Variants in DNAJC17 observed in about 807,000 individuals in gnomAD.
DNAJC17 encodes the protein dnaJ homolog subfamily C member 17.
Under a neutral mutation model 48.1 loss-of-function variants are expected in DNAJC17, and 35 were observed. That is an observed-to-expected ratio of 0.73 (90% CI 0.56 to 0.96). The LOEUF is 0.96. Among genes scored for constraint, DNAJC17 ranks in the 50% least tolerant of loss-of-function variants. The probability of loss-of-function intolerance (pLI) is 0.00; values close to 1 mark genes in which losing one functional copy is unlikely to be tolerated. For missense variants in DNAJC17, 355 were observed against 377.1 expected (o/e 0.94, Z 0.48); for synonymous variants, 117 against 142.7 (o/e 0.82, Z 1.28).
At chr15:40,779,863 C>T (rs1368466073) in intron 2 of DNAJC17, 65 bp downstream of exon 2, 12 of 1,543,138 alleles carry the variant, frequency 7.8e-6, no homozygotes, top group Non-Finnish European at 8.9e-6. Flanking sequence ...GCAGAGCTTA[C>T]ATCGGGAAAC....
chr15:40,806,132 C>G (rs559522604), intron 1 of DNAJC17, among the ~76,000 whole-genome samples: 1 of 152,124 alleles, frequency 6.6e-6, no homozygotes, highest in African/African-American at 2.4e-5. Flanking sequence ...TTTTCTGCCC[C>G]AGAGCTTCCT....
chr15:40,789,378 C>T (rs1889731889), intron 1 of DNAJC17, among the ~76,000 whole-genome samples: 1 of 151,130 alleles, frequency 6.6e-6, no homozygotes, highest in South Asian at 2.1e-4. Flanking sequence ...TCCTATCCTG[C>T]TCTCCTCGGT....
intron 1 of DNAJC17, among the ~76,000 whole-genome samples, chr15:40,806,218 T>C (rs1055712687): frequency 2.1e-5 from 3 of 142,226 alleles, no homozygotes; most frequent in African/African-American, 8.1e-5. Flanking sequence ...TATTTTTTTT[T>C]CCTTTTTTTT....
chr15:40,806,412 T>C (rs1170907669), intron 1 of DNAJC17, among the ~76,000 whole-genome samples: 1 of 151,872 alleles, frequency 6.6e-6, no homozygotes. Context: ...AGAGAAGGGG[T>C]TTCAGCATAT....
intron 2 of DNAJC17, 132 bp from the exon 3 acceptor site, chr15:40,779,735 A>AC: frequency 8.6e-7 from 1 of 1,159,440 alleles, no homozygotes; most frequent in Non-Finnish European, 1.2e-6. Flanking sequence ...CAGATGACAG[A>AC]CCAACAAGGA....
At chr15:40,775,784 G>C (rs1273250576) in intron 6 of DNAJC17, among the ~76,000 whole-genome samples, 188 bp from the exon 7 acceptor site, 1 of 152,130 alleles carries the variant, frequency 6.6e-6, no homozygotes, top group Non-Finnish European at 1.5e-5. Flanking sequence ...GCCACCCCAG[G>C]GGTGGTCTAC....
intron 6 of DNAJC17, 87 bp downstream of exon 6, chr15:40,776,109 A>T: frequency 7.7e-7 from 1 of 1,306,840 alleles, no homozygotes; most frequent in Non-Finnish European, 1.1e-6. Flanking sequence ...AAGCCTCCAC[A>T]GCAGCTCCAC....
chr15:40,797,491 G>A lies in DNAJC17; in HGVS notation c.78+9878C>T, dbSNP rs529314258. 9.7e-4 allele frequency among the ~76,000 whole-genome samples: 146 copies of A among 151,232 alleles called. 1 individual carries two copies. Among genetic ancestry groups the A allele is most frequent in the African/African-American group, 3.5e-3 (143 of 41,164 alleles). On this transcript the variant is annotated intron_variant, in intron 1 of 10. Coordinates refer to ENST00000220496, the MANE Select transcript of DNAJC17 (RefSeq NM_018163.3). ...TGCAATGGCACAATCTTGGCTCACTGCAACCTCCGCCTCTGGGTTCAAGCG... is the reference window on the plus strand; with the variant it reads ...TGCAATGGCACAATCTTGGCTCACTACAACCTCCGCCTCTGGGTTCAAGCG...
chr15:40,781,578 T>C (rs1889489865), intron 1 of DNAJC17, among the ~76,000 whole-genome samples: 1 of 152,074 alleles, frequency 6.6e-6, no homozygotes. Flanking sequence ...TTAAATAAAA[T>C]ATTATAGTAG....
At chr15:40,792,322 T>C in intron 1 of DNAJC17, 1 of 370,192 alleles carries the variant, frequency 2.7e-6, no homozygotes, top group Non-Finnish European at 3.7e-6. Context: ...TATGCTATAA[T>C]ATAACCTCCC....
intron 1 of DNAJC17, among the ~76,000 whole-genome samples, chr15:40,791,370 A>G (rs1889799022): frequency 6.6e-6 from 1 of 151,940 alleles, no homozygotes. Context: ...TCTACTAAAA[A>G]TACAAAAATT....
At chr15:40,775,162 C>G in intron 7 of DNAJC17, 54 bp from the exon 8 acceptor site, 1 of 1,582,260 alleles carries the variant, frequency 6.3e-7, no homozygotes, top group Non-Finnish European at 8.7e-7. Context: ...TACCTCACCC[C>G]ACGACTGAGC....
Position 40,770,212 on chromosome 15 carries a change from G to T in DNAJC17, c.793-2150C>A, listed in dbSNP as rs1889089238. The T allele has an allele frequency of 2.7e-6, 1 of 370,372 alleles. No homozygotes were observed. Among genetic ancestry groups the T allele is most frequent in the African/African-American group, 2.1e-5 (1 of 47,916 alleles). The allele number at this position is 370,372 out of a possible 1,614,324, so 22.9% of individuals were successfully genotyped here. On this transcript the variant is annotated intron_variant, in intron 10 of 10. Transcript: ENST00000220496. This position sits in a 1 kb window ranked among gnomAD's most constrained non-coding sequence, Gnocchi z 5.0. Reference sequence around the variant, plus strand: ...AGTAAGTGCTGCTTCTTCCTCCTGGGTTTTTTTCCACTACCCTATTCAGTA... The same window carrying T: ...AGTAAGTGCTGCTTCTTCCTCCTGGTTTTTTTTCCACTACCCTATTCAGTA...
At chr15:40,801,990 G>A (rs554275787) in intron 1 of DNAJC17, among the ~76,000 whole-genome samples, 1 of 151,808 alleles carries the variant, frequency 6.6e-6, no homozygotes, top group Non-Finnish European at 1.5e-5. Context: ...ACAGGTTTGG[G>A]GATTATTTGG....
intron 9 of DNAJC17, 66 bp from the exon 10 acceptor site, chr15:40,773,903 C>A: frequency 2.2e-6 from 3 of 1,389,698 alleles, no homozygotes; most frequent in Non-Finnish European, 3.0e-6. Flanking sequence ...TCTCTCTACC[C>A]CCACAGAGAG....
At chr15:40,785,094 A>G (rs929175497) in intron 1 of DNAJC17, among the ~76,000 whole-genome samples, 1 of 152,052 alleles carries the variant, frequency 6.6e-6, no homozygotes, top group African/African-American at 2.4e-5. Flanking sequence ...GTGAAAGTCC[A>G]TAACAACAAC....
intron 1 of DNAJC17, among the ~76,000 whole-genome samples, chr15:40,781,153 GA>G (rs11337976): frequency 0.51 from 45,599 of 88,996 alleles, 8,857 homozygotes; most frequent in Middle Eastern, 0.64. Context: ...CTCCATCTCA[GA>G]AAAAAAAAAA....
At position 40,765,911 on chromosome 15, in the gene DNAJC17, G is replaced by A; in HGVS notation, c.*2029C>T. The A allele has an allele frequency of 1.3e-6, 2 of 1,558,962 alleles. No homozygotes were observed. The highest frequency in any genetic ancestry group is 1.8e-6 in the Non-Finnish European group (2 of 1,140,230). Reference sequence around the variant, plus strand: ...GGGGGCTTCAAAGAGAAGAGCCTTGGGAAACAACTTGTAAGTAGCAGCCTC... The same window carrying A: ...GGGGGCTTCAAAGAGAAGAGCCTTGAGAAACAACTTGTAAGTAGCAGCCTC... On this transcript the variant is annotated 3_prime_UTR_variant, in exon 11 of 11. Transcript: ENST00000220496.
intron 1 of DNAJC17, among the ~76,000 whole-genome samples, chr15:40,794,919 G>T (rs546170369): frequency 1.7e-4 from 26 of 151,980 alleles, no homozygotes; most frequent in Admixed American, 7.2e-4. Flanking sequence ...GGGTTTCGTC[G>T]TGTTGGCCAG....
Sources: allele counts gnomAD v4.1 joint callset (sites outside exome capture counted in the v4.1 genomes callset), GRCh38; gene constraint gnomAD v4.1.1; non-coding constraint Gnocchi (gnomAD v3.1); transcripts MANE v1.5; gene names NCBI Gene and HGNC (gene_info 2026-07-23, HGNC 2026-07-21).